Variants in AOPEP observed in about 807,000 individuals in gnomAD.
AOPEP encodes the protein aminopeptidase O.
A neutral mutation model predicts 98.1 loss-of-function variants in AOPEP; 77 were observed. The observed-to-expected ratio is 0.78, with a 90% CI of 0.65 to 0.95. AOPEP has a LOEUF of 0.95. Ranked by LOEUF, AOPEP falls within the 40% of genes least tolerant of loss-of-function variation. The pLI is 0.00. For synonymous variants in AOPEP, 346 were observed against 365.3 expected, an observed-to-expected ratio of 0.95 and a Z score of 0.60; for missense variants, 1,024 against 1,024.7, an observed-to-expected ratio of 1.00 and a Z score of 0.01.
chr9:94,836,633 C>G (rs1375485736), intron 5 of AOPEP, among the ~76,000 whole-genome samples: 3 of 152,082 alleles, frequency 2.0e-5, no homozygotes, highest in African/African-American at 7.2e-5. Context: ...CAAATATTTT[C>G]TCCCAGCCTG....
chr9:94,739,644 C>G (rs1210138620), intron 1 of AOPEP, among the ~76,000 whole-genome samples: 1 of 79,428 alleles, frequency 1.3e-5, no homozygotes, highest in Non-Finnish European at 2.8e-5. Context: ...AACTTCGTCT[C>G]AAAAAAAAAA....
At chr9:94,833,038 C>T (rs1199490253) in intron 5 of AOPEP, among the ~76,000 whole-genome samples, 1 of 151,098 alleles carries the variant, frequency 6.6e-6, no homozygotes, top group Non-Finnish European at 1.5e-5. Flanking sequence ...TGGGTTCAAG[C>T]GATTCTGCTG....
At chr9:94,741,073 G>A (rs1832959755) in intron 1 of AOPEP, among the ~76,000 whole-genome samples, 1 of 152,010 alleles carries the variant, frequency 6.6e-6, no homozygotes, top group South Asian at 2.1e-4. Context: ...TTTCTCTGTT[G>A]GGTTGGGGTG....
chr9:94,810,407 C>T (rs1447107031), intron 5 of AOPEP, among the ~76,000 whole-genome samples: 1 of 151,746 alleles, frequency 6.6e-6, no homozygotes, highest in Admixed American at 6.6e-5. Context: ...CTCTACCTCC[C>T]AGGTTCAAGC....
chr9:94,837,495 A>T (rs2041759274), intron 5 of AOPEP, among the ~76,000 whole-genome samples: 1 of 152,228 alleles, frequency 6.6e-6, no homozygotes. Context: ...ATGAACATAG[A>T]TAGAAAAATC....
chr9:94,845,177 C>T (rs1217174300), intron 5 of AOPEP, among the ~76,000 whole-genome samples: 15 of 152,276 alleles, frequency 9.9e-5, no homozygotes, highest in East Asian at 1.9e-4. Flanking sequence ...ATAAGGAACC[C>T]TGCTGGTTTC....
At chr9:94,982,165 A>C (rs1012613532) in intron 11 of AOPEP, among the ~76,000 whole-genome samples, 2 of 152,182 alleles carry the variant, frequency 1.3e-5, no homozygotes, top group African/African-American at 4.8e-5. Flanking sequence ...GTACACATTT[A>C]CTTTGGGATA....
At chr9:94,946,598 C>T (rs1380344788) in intron 7 of AOPEP, among the ~76,000 whole-genome samples, 2 of 152,248 alleles carry the variant, frequency 1.3e-5, no homozygotes, top group African/African-American at 4.8e-5. Context: ...GTAACATCTG[C>T]GCAGTCCTCT....
chr9:95,080,569 T>A, intron 14 of AOPEP, 125 bp from the exon 15 acceptor site: 1 of 665,648 alleles, frequency 1.5e-6, no homozygotes, highest in Admixed American at 2.4e-5. Flanking sequence ...AAACTAAGTG[T>A]GTCAACAATG....
At chr9:95,043,426 A>G (rs1202966068) in intron 13 of AOPEP, among the ~76,000 whole-genome samples, 1 of 152,134 alleles carries the variant, frequency 6.6e-6, no homozygotes, top group African/African-American at 2.4e-5. Context: ...TCAGTGTGAC[A>G]TAAAACTAAT....
At chr9:95,052,242 A>G (rs10117370) in intron 13 of AOPEP, among the ~76,000 whole-genome samples, 114,730 of 152,176 alleles carry the variant, frequency 0.75, 45,901 homozygotes, top group Non-Finnish European at 0.89. Context: ...TTGACTATCA[A>G]GGATGGGGGT....
At chr9:95,051,245 A>T (rs1389052469) in intron 13 of AOPEP, among the ~76,000 whole-genome samples, 1 of 151,536 alleles carries the variant, frequency 6.6e-6, no homozygotes, top group Non-Finnish European at 1.5e-5. Flanking sequence ...GCGCGCCACC[A>T]CACCCAGCTA....
intron 13 of AOPEP, among the ~76,000 whole-genome samples, chr9:95,022,631 G>T (rs2063546744): frequency 7.8e-6 from 1 of 127,798 alleles, no homozygotes. Flanking sequence ...AAGCCACCGC[G>T]TCTGGCCTAT....
At chr9:94,761,594 C>T (rs996008159) in intron 2 of AOPEP, among the ~76,000 whole-genome samples, 6 of 152,240 alleles carry the variant, frequency 3.9e-5, no homozygotes, top group East Asian at 1.9e-4. Flanking sequence ...CCCAAAACAC[C>T]TTGCAGCTAT....
intron 7 of AOPEP, among the ~76,000 whole-genome samples, chr9:94,940,371 C>T (rs575961584): frequency 1.1e-3 from 175 of 152,214 alleles, no homozygotes; most frequent in African/African-American, 3.9e-3. Flanking sequence ...TTTGAGAGGC[C>T]GAGGCGGGCA....
intron 2 of AOPEP, among the ~76,000 whole-genome samples, chr9:94,765,478 T>TAATAATAAG (rs1211958270): frequency 6.4e-4 from 95 of 147,372 alleles, no homozygotes; most frequent in African/African-American, 2.3e-3. Flanking sequence ...ATAATAATAA[T>TAATAATAAG]AAGTCACAGC....
chr9:94,822,376 GA>G (rs1368370089), intron 5 of AOPEP, among the ~76,000 whole-genome samples: 4 of 148,828 alleles, frequency 2.7e-5, no homozygotes, highest in African/African-American at 1.0e-4. Context: ...TTCCTAAAAA[GA>G]AAAGTTTAAG....
intron 13 of AOPEP, among the ~76,000 whole-genome samples, chr9:95,007,153 G>A (rs1236131208): frequency 6.6e-6 from 1 of 152,114 alleles, no homozygotes; most frequent in African/African-American, 2.4e-5. Context: ...GCCCGCCTCG[G>A]TGTCCCAAAG....
At chr9:94,974,498 C>A (rs143414372) in intron 10 of AOPEP, among the ~76,000 whole-genome samples, 12 of 152,340 alleles carry the variant, frequency 7.9e-5, no homozygotes, top group African/African-American at 2.9e-4. Flanking sequence ...TGAAAACACA[C>A]GTTCTCTTCA....
Sources: gnomAD v4.1 joint callset for allele counts (sites outside exome capture counted in the v4.1 genomes callset) on GRCh38, gnomAD v4.1.1 for gene constraint, MANE v1.5 for transcripts, NCBI Gene and HGNC (gene_info 2026-07-23, HGNC 2026-07-21) for gene names.